BTN2A2: variants seen among roughly 807,000 people sequenced by gnomAD.
BTN2A2 encodes butyrophilin 2.
BTN2A2 carries 29 observed loss-of-function variants against 34.7 expected under a neutral mutation model. That is an observed-to-expected ratio of 0.84 (90% CI 0.62 to 1.14). BTN2A2 has a LOEUF of 1.14. BTN2A2 is among the 50% of genes most tolerant of loss of function. BTN2A2 has a pLI of 0.00. For synonymous variants in BTN2A2, 240 were observed against 253.1 expected, an observed-to-expected ratio of 0.95 and a Z score of 0.49; for missense variants, 612 against 651.5, an observed-to-expected ratio of 0.94 and a Z score of 0.66.
At position 26,392,803 on chromosome 6, in the gene BTN2A2, A is replaced by G. The variant is rs754355184; in HGVS notation, c.1408A>G (p.Thr470Ala). ...YNMRDRSHIYTCPRSAFTVPV... is the reference protein window; with the variant it reads ...YNMRDRSHIYACPRSAFTVPV... ...CATGAGGGACAGATCGCACATCTAC[A>G]CATGTCCCCGTTCAGCCTTTACTGT... Residue 470 changes from threonine (T) to alanine (A), a missense_variant, in exon 8 of 8, where the codon ACA becomes GCA. Transcript: ENST00000356709. The G allele has an allele frequency of 2.5e-6, 4 of 1,614,086 alleles. No homozygotes were observed. The highest frequency in any genetic ancestry group is 3.3e-5 in the Admixed American group (2 of 60,008).
intron 3 of BTN2A2, among the ~76,000 whole-genome samples, chr6:26,387,080 ATTCTCT>A (rs1761248937): frequency 1.3e-5 from 2 of 152,190 alleles, no homozygotes; most frequent in South Asian, 4.1e-4. Flanking sequence ...CACTCTGGGT[ATTCTCT>A]TTCATTGAAG....
rs200047445 is a variant in BTN2A2, at chr6:26,392,529, C to T, written c.1134C>T (p.Ala378=). The change falls in exon 8 of 8, where the codon GCC becomes GCT. Residue 378 remains alanine (A), a synonymous_variant. Transcript: ENST00000356709. ...QPCVLGWESF[A]SGKHYWEVEV... ...GTGTCCTGGGATGGGAGAGCTTCGC[C>T]TCAGGGAAACATTACTGGGAGGTGG... 1.1e-5 allele frequency: 17 copies of T among 1,614,214 alleles called. No individual in the cohort carries two copies. In the African/African-American group the frequency reaches 1.1e-4, roughly 10 times the overall value.
chr6:26,392,195 T>G lies in BTN2A2; in HGVS notation c.980-180T>G. On this transcript the variant is annotated intron_variant, in intron 7 of 7. Coordinates refer to ENST00000356709, the MANE Select transcript of BTN2A2 (RefSeq NM_006995.5). ...GGCACTGCTTCTGTCTCTGGAGAGA[T>G]AGAAGTGCAGCTTCCGTAATTCTCA... is the stretch of plus-strand genomic sequence containing the variant. 8 of 1,522,310 alleles carry G rather than the reference T, an allele frequency of 5.3e-6. No homozygotes were observed. The East Asian group carries it at 7.3e-5, about 14-fold the overall frequency. The allele number at this position is 1,522,310 out of a possible 1,614,324, so 94.3% of individuals were successfully genotyped here. A position where few individuals can be genotyped will look rare whatever the true frequency, so the allele number is the denominator to read the frequency against.
At position 26,393,259 on chromosome 6, in the gene BTN2A2, C is replaced by T. The variant is rs3927423; in HGVS notation, c.*292C>T. ...GAAAGTGAGAGAAGCTGTTGGGCAG[C>T]GAACCTACTGTTTAAAATCAGGATA... On this transcript the variant is annotated 3_prime_UTR_variant, in exon 8 of 8. Coordinates refer to ENST00000356709, the MANE Select transcript of BTN2A2 (RefSeq NM_006995.5). 129,207 of 1,428,514 alleles carry T rather than the reference C, an allele frequency of 0.09. 6,931 individuals carry two copies. The highest frequency in any genetic ancestry group is 0.1 in the Non-Finnish European group (109,206 of 1,087,624). 88.5% of individuals were successfully genotyped at this position (1,428,514 alleles called of 1,614,324 possible). A position where few individuals can be genotyped will look rare whatever the true frequency, so the allele number is the denominator to read the frequency against.
At chr6:26,389,915 G>T in intron 4 of BTN2A2, 90 bp from the exon 5 acceptor site, 1 of 1,239,362 alleles carries the variant, frequency 8.1e-7, no homozygotes, top group African/African-American at 1.5e-5. Flanking sequence ...AGAACAGGTG[G>T]CTGAGGAGCT....
At position 26,384,919 on chromosome 6, in the gene BTN2A2, G is replaced by T. The variant is rs1179926645; in HGVS notation, c.95-96G>T. On this transcript the variant is annotated intron_variant, in intron 2 of 7. Transcript: ENST00000356709. This position sits in a 1 kb window ranked among gnomAD's most constrained non-coding sequence, Gnocchi z 4.0. The stretch of plus-strand genomic sequence containing the variant: ...ATATCTGCTTCCTTTCATCCCTGGA[G>T]TTTTTTTTGTTTGTTTGTTTTTGTT... 7.8e-7 allele frequency: 1 copy of T among 1,286,306 alleles called. No homozygotes were observed. The highest frequency in any genetic ancestry group is 1.1e-6 in the Non-Finnish European group (1 of 945,426). The allele number at this position is 1,286,306 out of a possible 1,614,324, so 79.7% of individuals were successfully genotyped here. A position where few individuals can be genotyped will look rare whatever the true frequency, so the allele number is the denominator to read the frequency against.
At chr6:26,387,097 G>C (rs1366887265) in intron 3 of BTN2A2, among the ~76,000 whole-genome samples, 1 of 152,166 alleles carries the variant, frequency 6.6e-6, no homozygotes, top group Admixed American at 6.5e-5. Flanking sequence ...TTCATTGAAG[G>C]TTCTAGTAAA....
Position 26,384,920 on chromosome 6 carries a change from T to G in BTN2A2, c.95-95T>G, listed in dbSNP as rs980585751. ...TATCTGCTTCCTTTCATCCCTGGAG[T>G]TTTTTTTGTTTGTTTGTTTTTGTTT... On this transcript the variant is annotated intron_variant, in intron 2 of 7. Transcript: ENST00000356709. The surrounding 1 kb of genome is among the most constrained non-coding windows in gnomAD (Gnocchi z 4.0). The G allele has an allele frequency of 5.5e-6, 7 of 1,272,896 alleles. No homozygotes were observed. The highest frequency in any genetic ancestry group is 7.5e-6 in the Non-Finnish European group (7 of 935,486). The allele number at this position is 1,272,896 out of a possible 1,614,324, so 78.9% of individuals were successfully genotyped here.
chr6:26,392,669 A>AGG lies in BTN2A2; in HGVS notation c.1274_1275insGG (p.Asn425LysfsTer16). 1 of 1,614,034 alleles carries AGG rather than the reference A, an allele frequency of 6.2e-7. No individual in the cohort carries two copies. The highest frequency in any genetic ancestry group is 8.5e-7 in the Non-Finnish European group (1 of 1,179,994). On this transcript the variant is annotated frameshift_variant, in exon 8 of 8. Transcript: ENST00000356709. LOFTEE classifies it low-confidence loss of function (END_TRUNC). ...TTCTGGACCCTGGAGATGTTTGGAA[A>AGG]CCAATACCGGGCCCTGTCCTCCCCT...
At chr6:26,386,240 G>T (rs1051061410) in intron 3 of BTN2A2, among the ~76,000 whole-genome samples, 1 of 152,084 alleles carries the variant, frequency 6.6e-6, no homozygotes, top group African/African-American at 2.4e-5. Flanking sequence ...AATTGGCAAG[G>T]CTTCAGCATA....
Position 26,393,633 on chromosome 6 carries a change from C to T in BTN2A2, c.*666C>T, listed in dbSNP as rs553362004. On this transcript the variant is annotated 3_prime_UTR_variant, in exon 8 of 8. Coordinates refer to ENST00000356709, the MANE Select transcript of BTN2A2 (RefSeq NM_006995.5). ...TGGATGTGGTTTGGCTCAGATGTCC[C>T]TGCAATAAACAAGGGGTCAGTACTT... 8 of 998,456 alleles carry T rather than the reference C, an allele frequency of 8.0e-6. No individual in the cohort carries two copies. The South Asian group carries it at 1.3e-4, about 17-fold the overall frequency. 61.8% of individuals were successfully genotyped at this position (998,456 alleles called of 1,614,324 possible).
At position 26,393,409 on chromosome 6, in the gene BTN2A2, A is replaced by G; in HGVS notation, c.*442A>G. ...GGACCACCAGAAGGGAGAGGGAACC[A>G]GATATGCAGATCAGAGATAGAGGAA... On this transcript the variant is annotated 3_prime_UTR_variant, in exon 8 of 8. Coordinates refer to ENST00000356709, the MANE Select transcript of BTN2A2 (RefSeq NM_006995.5). The G allele has an allele frequency of 8.9e-7, 1 of 1,120,450 alleles. No homozygotes were observed. The highest frequency in any genetic ancestry group is 2.3e-5 in the South Asian group (1 of 43,634). The allele number at this position is 1,120,450 out of a possible 1,614,324, so 69.4% of individuals were successfully genotyped here.
chr6:26,384,990 G>C lies in BTN2A2; in HGVS notation c.95-25G>C. ...TAGAGTTGTGATAACTGGCATCCTT[G>C]TCTGATTCTGCCCTTGTTGAACAGC... On this transcript the variant is annotated intron_variant, in intron 2 of 7. Transcript: ENST00000356709. This position sits in a 1 kb window ranked among gnomAD's most constrained non-coding sequence, Gnocchi z 4.0. 3.1e-6 allele frequency: 5 copies of C among 1,598,982 alleles called. No homozygotes were observed. The highest frequency in any genetic ancestry group is 4.3e-6 in the Non-Finnish European group (5 of 1,168,136).
In BTN2A2 at chr6:26,391,012, G is replaced by C. The variant is rs962042003; in HGVS notation, c.979+183G>C. 1.3e-5 allele frequency: 11 copies of C among 837,874 alleles called. No individual in the cohort carries two copies. The African/African-American group carries it at 1.7e-4, about 13-fold the overall frequency. The allele number at this position is 837,874 out of a possible 1,614,324, so 51.9% of individuals were successfully genotyped here. On this transcript the variant is annotated intron_variant, in intron 7 of 7. Coordinates refer to ENST00000356709, the MANE Select transcript of BTN2A2 (RefSeq NM_006995.5). ...GCTCTTCTGTCAGGGAACCCCAGCA[G>C]CTCTTAATGAACCCTGCAGTTTACA...
intron 7 of BTN2A2, chr6:26,391,205 T>C (rs1581605440): frequency 8.1e-6 from 3 of 370,412 alleles, no homozygotes; most frequent in Non-Finnish European, 1.5e-5. Context: ...GGGAATGGTA[T>C]AGACTGTGCA....
rs55674248 is a variant in BTN2A2, at chr6:26,394,134, G to T, written c.*1167G>T. ...CTTTACTGCACACTACTGAGAGAAT[G>T]AGATGAAAAACGATTAATGTTTCAT... On this transcript the variant is annotated 3_prime_UTR_variant, in exon 8 of 8. Transcript: ENST00000356709. 12,625 of 567,132 alleles carry T rather than the reference G, an allele frequency of 0.022. 238 individuals are homozygous for T. Among genetic ancestry groups the T allele is most frequent in the Middle Eastern group, 0.055 (118 of 2,154 alleles). 35.1% of individuals were successfully genotyped at this position (567,132 alleles called of 1,614,324 possible). A position where few individuals can be genotyped will look rare whatever the true frequency, so the allele number is the denominator to read the frequency against.
In BTN2A2 at chr6:26,392,355, A is replaced by G. The variant is rs1209173644; in HGVS notation, c.980-20A>G. 1.3e-5 allele frequency: 21 copies of G among 1,613,854 alleles called. No homozygotes were observed. The African/African-American group carries it at 2.5e-4, about 19-fold the overall frequency. ...AGGGTTCCTGAGACCCCAGGCATAA[A>G]CCTGAGACTTCCTCTGCAGCTGATG... On this transcript the variant is annotated intron_variant, in intron 7 of 7. Transcript: ENST00000356709.
At position 26,384,639 on chromosome 6, in the gene BTN2A2, G is replaced by T. The variant is rs1761065259; in HGVS notation, c.95-376G>T. On this transcript the variant is annotated intron_variant, in intron 2 of 7. Coordinates refer to ENST00000356709, the MANE Select transcript of BTN2A2 (RefSeq NM_006995.5). This position sits in a 1 kb window ranked among gnomAD's most constrained non-coding sequence, Gnocchi z 4.0. ...TTTACACTTAGAGTTCATTTTTATTGGAACTGTTAAATAGCTAGTGGATAG... is the reference window on the plus strand; with the variant it reads ...TTTACACTTAGAGTTCATTTTTATTTGAACTGTTAAATAGCTAGTGGATAG... 6.6e-6 allele frequency among the ~76,000 whole-genome samples: 1 copy of T among 151,938 alleles called. No homozygotes were observed. Among genetic ancestry groups the T allele is most frequent in the Non-Finnish European group, 1.5e-5 (1 of 68,004 alleles).
chr6:26,392,677 C>T lies in BTN2A2; in HGVS notation c.1282C>T (p.Arg428Trp), dbSNP rs62617840. 2,010 of 1,614,178 alleles carry T rather than the reference C, an allele frequency of 1.2e-3. 15 individuals are homozygous for T. In the African/African-American group the frequency reaches 0.019, roughly 15 times the overall value. The change falls in exon 8 of 8, where the codon CGG becomes TGG. Residue 428 changes from arginine (R) to tryptophan (W), a missense_variant. By Grantham distance (101) the Arg-to-Trp change is moderately radical (BLOSUM62 -3). Transcript: ENST00000356709. ...CCTGGAGATGTTTGGAAACCAATAC[C>T]GGGCCCTGTCCTCCCCTGAGAGGAT... The part of the protein sequence containing the change: ...WTLEMFGNQY[R>W]ALSSPERILP...
Sources: gnomAD v4.1 joint callset for allele counts (sites outside exome capture counted in the v4.1 genomes callset) on GRCh38, gnomAD v4.1.1 for gene constraint, Gnocchi (gnomAD v3.1) non-coding constraint, MANE v1.5 for transcripts, NCBI Gene and HGNC (gene_info 2026-07-23, HGNC 2026-07-21) for gene names.